Variants in TTC7A observed in about 807,000 individuals in gnomAD.
TTC7A encodes the protein tetratricopeptide repeat protein 7A.
TTC7A carries 110 observed loss-of-function variants against 103.7 expected under a neutral mutation model. That is an observed-to-expected ratio of 1.06 (90% CI 0.91 to 1.24). The LOEUF (loss-of-function observed/expected upper bound fraction) is 1.24, where lower values mean the gene tolerates loss of function less well. Among genes scored for constraint, TTC7A ranks in the 50% most tolerant of loss-of-function variants. The pLI is 0.00. For synonymous variants in TTC7A, 521 were observed against 467.9 expected (o/e 1.11, Z -1.47); for missense variants, 1,340 against 1,116.3 (o/e 1.20, Z -2.86).
At chr2:47,058,134 G>A (rs1487537201) in intron 18 of TTC7A, among the ~76,000 whole-genome samples, 1 of 152,196 alleles carries the variant, frequency 6.6e-6, no homozygotes, top group East Asian at 1.9e-4. Flanking sequence ...CCAGCCATCT[G>A]CCCCTGGGTT....
At chr2:47,000,389 A>G (rs1676683640) in intron 8 of TTC7A, among the ~76,000 whole-genome samples, 4 of 152,156 alleles carry the variant, frequency 2.6e-5, no homozygotes. Context: ...GAAGCGGTGA[A>G]GGGTCTGATA....
intron 11 of TTC7A, among the ~76,000 whole-genome samples, chr2:47,018,207 G>T (rs1192694743): frequency 4.6e-5 from 7 of 151,606 alleles, no homozygotes; most frequent in African/African-American, 1.7e-4. Context: ...AACCTGGGAG[G>T]CAGAGGTTGC....
intron 1 of TTC7A, 81 bp from the exon 2 acceptor site, chr2:46,950,282 G>T (rs1236667750): frequency 1.1e-5 from 16 of 1,481,350 alleles, no homozygotes; most frequent in Non-Finnish European, 1.4e-5. Context: ...TGGGTGGTTG[G>T]GTGGGTCCAG....
chr2:47,046,397 C>T lies in TTC7A; in HGVS notation c.1885C>T (p.Leu629=). 6.2e-7 allele frequency: 1 copy of T among 1,614,178 alleles called. No individual in the cohort carries two copies. Among genetic ancestry groups the T allele is most frequent in the Non-Finnish European group, 8.5e-7 (1 of 1,179,996 alleles). ...CGTGACCTGCAGACAAGTGCTGAGG[C>T]TGTGGCAGACCCTGTACAGCTTCTC... ...ALVTCRQVLR[L]WQTLYSFSQL... Residue 629 remains leucine (L), a synonymous_variant, in exon 16 of 20, where the codon CTG becomes TTG. Coordinates refer to ENST00000319190, the MANE Select transcript of TTC7A (RefSeq NM_020458.4).
At chr2:47,031,275 C>T (rs1680516098) in intron 15 of TTC7A, among the ~76,000 whole-genome samples, 1 of 152,164 alleles carries the variant, frequency 6.6e-6, no homozygotes. Context: ...TTGTTAATCC[C>T]AAGTACAGTA....
intron 3 of TTC7A, among the ~76,000 whole-genome samples, chr2:46,957,556 G>T (rs1671984919): frequency 6.6e-6 from 1 of 152,226 alleles, no homozygotes; most frequent in Non-Finnish European, 1.5e-5. Flanking sequence ...GTCAGAACCA[G>T]TTCCTGGAGG....
rs949132279 is a variant in TTC7A, at chr2:47,075,072, G to A, written c.*1149G>A. 1.3e-5 allele frequency: 2 copies of A among 152,268 alleles called. No homozygotes were observed. The highest frequency in any genetic ancestry group is 2.9e-5 in the Non-Finnish European group (2 of 68,084). 9.4% of individuals were successfully genotyped at this position (152,268 alleles called of 1,614,324 possible). ...ATTTCAGGATGTGTGGAAAGCTCGG[G>A]TGAGGGCTGCCCTGGTTCATCATAG... On this transcript the variant is annotated 3_prime_UTR_variant, in exon 20 of 20. Transcript: ENST00000319190.
At chr2:47,059,756 C>G (rs902715191) in intron 18 of TTC7A, among the ~76,000 whole-genome samples, 1 of 152,200 alleles carries the variant, frequency 6.6e-6, no homozygotes, top group Non-Finnish European at 1.5e-5. Flanking sequence ...GTTCTGAAGT[C>G]AGACAGCCCA....
At chr2:46,935,959 C>T (rs958593716) in intron 2 of TTC7A, among the ~76,000 whole-genome samples, 1 of 151,906 alleles carries the variant, frequency 6.6e-6, no homozygotes, top group Non-Finnish European at 1.5e-5. Flanking sequence ...GGGGTGGTGG[C>T]GTGTGCCTGT....
intron 18 of TTC7A, among the ~76,000 whole-genome samples, chr2:47,058,231 A>C (rs1418989514): frequency 1.3e-5 from 2 of 152,060 alleles, no homozygotes; most frequent in African/African-American, 4.8e-5. Flanking sequence ...TCTCTCCCAT[A>C]TCCAGGAAGC....
chr2:47,029,323 C>T lies in TTC7A; in HGVS notation c.1741C>T (p.His581Tyr). ...LLALLFSAQKHHQHALDVVNM... is the reference protein window; with the variant it reads ...LLALLFSAQKYHQHALDVVNM... ...GGCACTGCTCTTCTCTGCCCAGAAG[C>T]ACCACCAGCATGCCCTGGATGTTGT... The change falls in exon 15 of 20, where the codon CAC becomes TAC. Residue 581 changes from histidine (H) to tyrosine (Y), a missense_variant. Coordinates refer to ENST00000319190, the MANE Select transcript of TTC7A (RefSeq NM_020458.4). The T allele has an allele frequency of 6.2e-7, 1 of 1,614,102 alleles. No individual in the cohort carries two copies. Among genetic ancestry groups the T allele is most frequent in the Non-Finnish European group, 8.5e-7 (1 of 1,180,034 alleles).
At chr2:47,004,556 G>T (rs1005628831) in intron 8 of TTC7A, among the ~76,000 whole-genome samples, 1 of 152,096 alleles carries the variant, frequency 6.6e-6, no homozygotes, top group Admixed American at 6.5e-5. Flanking sequence ...CTGAGTCCTT[G>T]GTCTTGAGGT....
At position 47,050,131 on chromosome 2, in the gene TTC7A, G is replaced by A. The variant is rs888857392; in HGVS notation, c.2017+85G>A. On this transcript the variant is annotated intron_variant, in intron 17 of 19. Transcript: ENST00000319190. ...GAGAGCACCAACACAGAGAGGGGCC[G>A]GGCCCTCTCCCAGCCGGGCCAAGCC... is the stretch of plus-strand genomic sequence containing the variant. 5.2e-5 allele frequency: 62 copies of A among 1,197,450 alleles called. No individual in the cohort carries two copies. In the East Asian group the frequency reaches 7.2e-4, roughly 14 times the overall value. 74.2% of individuals were successfully genotyped at this position (1,197,450 alleles called of 1,614,324 possible). A position where few individuals can be genotyped will look rare whatever the true frequency, so the allele number is the denominator to read the frequency against.
chr2:47,021,467 C>T (rs1227303201), intron 11 of TTC7A, among the ~76,000 whole-genome samples: 1 of 152,234 alleles, frequency 6.6e-6, no homozygotes, highest in Non-Finnish European at 1.5e-5. Context: ...AGGGAGCGAG[C>T]TCATGGACGG....
At chr2:46,953,932 G>A (rs988769729) in intron 2 of TTC7A, among the ~76,000 whole-genome samples, 67 of 151,800 alleles carry the variant, frequency 4.4e-4, no homozygotes, top group Non-Finnish European at 6.0e-4. Flanking sequence ...CAAAGTGCTG[G>A]GATTACAGGT....
At chr2:46,935,296 T>C (rs976789459) in intron 2 of TTC7A, among the ~76,000 whole-genome samples, 20 of 152,146 alleles carry the variant, frequency 1.3e-4, no homozygotes, top group Non-Finnish European at 1.5e-5. Flanking sequence ...GCCCAGGAGT[T>C]CAAGGCTGCA....
At chr2:46,973,185 A>G (rs72806541) in intron 3 of TTC7A, among the ~76,000 whole-genome samples, 9,069 of 152,286 alleles carry the variant, frequency 0.06, 285 homozygotes, top group Non-Finnish European at 0.072. Flanking sequence ...CAGGAGCAGA[A>G]TGGAGCCCCT....
chr2:47,050,797 G>A (rs1031100819), intron 17 of TTC7A: 1 of 152,200 alleles, frequency 6.6e-6, no homozygotes, highest in African/African-American at 2.4e-5. Flanking sequence ...TTAAGGGAGG[G>A]GAGAATGGTA....
intron 2 of TTC7A, among the ~76,000 whole-genome samples, chr2:46,930,644 C>T (rs939653805): frequency 2.6e-5 from 4 of 151,976 alleles, no homozygotes; most frequent in Admixed American, 6.6e-5. Context: ...GGATTACAGG[C>T]GCCTGCAACC....
Sources: allele counts gnomAD v4.1 joint callset (sites outside exome capture counted in the v4.1 genomes callset), GRCh38; gene constraint gnomAD v4.1.1; transcripts MANE v1.5; gene names NCBI Gene and HGNC (gene_info 2026-07-23, HGNC 2026-07-21).